The following ATP6V0A1 variants were observed in gnomAD, a reference collection of about 807,000 sequenced individuals.
The protein encoded by ATP6V0A1 is V-type proton ATPase 116 kDa subunit a 1.
In ATP6V0A1, 43 loss-of-function variants were observed where a neutral mutation model predicts 105.4. The observed-to-expected ratio is 0.41, with a 90% CI of 0.32 to 0.53. ATP6V0A1 has a LOEUF of 0.53. ATP6V0A1 is among the 20% of genes least tolerant of loss of function. ATP6V0A1 has a pLI of 0.30. For synonymous variants in ATP6V0A1, 362 were observed against 372.8 expected (o/e 0.97, Z 0.33); for missense variants, 676 against 1,051.1 (o/e 0.64, Z 4.93).
chr17:42,515,901 ATT>A (rs2092604097), intron 21 of ATP6V0A1, among the ~76,000 whole-genome samples: 1 of 152,082 alleles, frequency 6.6e-6, no homozygotes, highest in Admixed American at 6.5e-5. Context: ...GGCAGTCTGT[ATT>A]TTCTGTGGCT....
In ATP6V0A1 at chr17:42,479,856, G is replaced by A. The variant is rs1011301514; in HGVS notation, c.634-811G>A. 3.9e-5 allele frequency among the ~76,000 whole-genome samples: 6 copies of A among 152,184 alleles called. No individual in the cohort carries two copies. The East Asian group carries it at 7.7e-4, about 20-fold the overall frequency. On this transcript the variant is annotated intron_variant, in intron 7 of 21. Transcript: ENST00000343619. ...TCAAGTTTCCTCTTGGCAACAGAAA[G>A]GTTATTTTATCAACAAATCCAGAAA... is the stretch of plus-strand genomic sequence containing the variant.
In ATP6V0A1 at chr17:42,461,026, G is replaced by A; in HGVS notation, c.117+15G>A. 2 of 1,596,032 alleles carry A rather than the reference G, an allele frequency of 1.3e-6. No individual in the cohort carries two copies. Among genetic ancestry groups the A allele is most frequent in the South Asian group, 1.1e-5 (1 of 90,708 alleles). ...AGTTTCGTGACGTAAGTAGTTGTGG[G>A]GCTGCGACTTGATTACTGCTGAACT... On this transcript the variant is annotated intron_variant, in intron 2 of 21. Coordinates refer to ENST00000343619, the MANE Select transcript of ATP6V0A1 (RefSeq NM_001130021.3).
At chr17:42,513,646 T>C (rs2146295967) in intron 19 of ATP6V0A1, 2 of 569,234 alleles carry the variant, frequency 3.5e-6, no homozygotes, top group Non-Finnish European at 6.3e-6. Flanking sequence ...AGGTGAGGGC[T>C]AAGTCAGGCA....
chr17:42,489,252 T>A (rs1007546637), intron 10 of ATP6V0A1, among the ~76,000 whole-genome samples: 3 of 151,780 alleles, frequency 2.0e-5, no homozygotes, highest in Non-Finnish European at 4.4e-5. Flanking sequence ...GCTAATTTTT[T>A]GTATTTTTAG....
chr17:42,473,820 C>T (rs2088328011), intron 5 of ATP6V0A1, among the ~76,000 whole-genome samples: 1 of 151,962 alleles, frequency 6.6e-6, no homozygotes, highest in Non-Finnish European at 1.5e-5. Flanking sequence ...ATGAAAAGAA[C>T]TTAGTAAAAA....
chr17:42,511,137 C>T (rs952168292), intron 19 of ATP6V0A1: 3 of 152,202 alleles, frequency 2.0e-5, no homozygotes, highest in African/African-American at 7.2e-5. Flanking sequence ...TGGAGAGATC[C>T]ACCTTGGAGT....
intron 8 of ATP6V0A1, chr17:42,481,490 G>A (rs746308943): frequency 6.6e-6 from 1 of 151,932 alleles, no homozygotes; most frequent in Non-Finnish European, 1.5e-5. Context: ...CCAAAATGCT[G>A]AGATTACAGG....
intron 9 of ATP6V0A1, among the ~76,000 whole-genome samples, chr17:42,484,619 G>C (rs1273598946): frequency 2.0e-5 from 3 of 152,128 alleles, no homozygotes. Context: ...TGTGGTTTAT[G>C]CACACCACGG....
intron 3 of ATP6V0A1, among the ~76,000 whole-genome samples, chr17:42,467,649 T>G (rs557283098): frequency 6.6e-6 from 1 of 152,196 alleles, no homozygotes; most frequent in Non-Finnish European, 1.5e-5. Flanking sequence ...TCTTCATAAC[T>G]CTGCTTTGCC....
chr17:42,492,649 TGAGC>T (rs559907833), intron 11 of ATP6V0A1, among the ~76,000 whole-genome samples: 16 of 143,114 alleles, frequency 1.1e-4, no homozygotes, highest in African/African-American at 4.0e-4. Context: ...GAGGTTGCCG[TGAGC>T]CGATATTGCA....
chr17:42,514,546 CT>C, intron 21 of ATP6V0A1, 86 bp downstream of exon 21: 1 of 1,346,986 alleles, frequency 7.4e-7, no homozygotes, highest in South Asian at 1.4e-5. Context: ...ACACACAGCC[CT>C]GCAGCTCTGT....
At chr17:42,518,775 G>A (rs1567878131) in intron 21 of ATP6V0A1, 2 of 152,274 alleles carry the variant, frequency 1.3e-5, no homozygotes, top group Non-Finnish European at 2.9e-5. Flanking sequence ...GCATTTCAGT[G>A]TCTTGGGGCA....
intron 5 of ATP6V0A1, chr17:42,471,562 C>T (rs923491037): frequency 2.0e-5 from 3 of 152,024 alleles, no homozygotes; most frequent in African/African-American, 4.8e-5. Flanking sequence ...GGTGAAACCC[C>T]GTCTCCACAA....
intron 5 of ATP6V0A1, among the ~76,000 whole-genome samples, chr17:42,472,370 A>C (rs915990373): frequency 1.3e-5 from 2 of 151,786 alleles, no homozygotes; most frequent in Non-Finnish European, 2.9e-5. Flanking sequence ...CATTTTAGTT[A>C]GCATCTGCTG....
chr17:42,482,895 C>CAA (rs71359573), intron 8 of ATP6V0A1, 143 bp from the exon 9 acceptor site: 2,044 of 146,970 alleles, frequency 0.014, no homozygotes, highest in Middle Eastern at 0.019. Flanking sequence ...AACTCTGTCT[C>CAA]AAAAAAAAAA....
chr17:42,505,800 T>C (rs2091983673), intron 17 of ATP6V0A1, among the ~76,000 whole-genome samples: 1 of 151,912 alleles, frequency 6.6e-6, no homozygotes, highest in Non-Finnish European at 1.5e-5. Flanking sequence ...TTTTTTTTTT[T>C]TTCTTGAGAC....
At chr17:42,516,749 G>A (rs1482848618) in intron 21 of ATP6V0A1, among the ~76,000 whole-genome samples, 1 of 152,222 alleles carries the variant, frequency 6.6e-6, no homozygotes, top group Non-Finnish European at 1.5e-5. Context: ...AGGCTCACCT[G>A]TGGCCTCCCC....
chr17:42,495,139 A>G lies in ATP6V0A1; in HGVS notation c.1420A>G (p.Ile474Val), dbSNP rs1410202083. ...YNDCFSKSLN[I>V]FGSSWSVRPM... ...TGATTGCTTTTCCAAGTCTCTTAAT[A>G]TCTTTGGGTCATCCTGGAGTGTACG... Residue 474 changes from isoleucine (I) to valine (V), a missense_variant, in exon 13 of 22, where the codon ATC (isoleucine) becomes GTC (valine). Ile to Val is a conservative substitution (Grantham distance 29). Coordinates refer to ENST00000343619, the MANE Select transcript of ATP6V0A1 (RefSeq NM_001130021.3). 2 of 1,614,014 alleles carry G rather than the reference A, an allele frequency of 1.2e-6. No individual in the cohort carries two copies. The highest frequency in any genetic ancestry group is 1.7e-6 in the Non-Finnish European group (2 of 1,180,004).
At chr17:42,492,882 G>T (rs1285923204) in intron 11 of ATP6V0A1, among the ~76,000 whole-genome samples, 2 of 152,026 alleles carry the variant, frequency 1.3e-5, no homozygotes, top group African/African-American at 2.4e-5. Context: ...GCCAGGCCTG[G>T]TGGTGCATGC....
Sources: allele counts gnomAD v4.1 joint callset (sites outside exome capture counted in the v4.1 genomes callset), GRCh38; gene constraint gnomAD v4.1.1; transcripts MANE v1.5; gene names NCBI Gene and HGNC (gene_info 2026-07-23, HGNC 2026-07-21).